The following SLC25A30 variants were observed in gnomAD, a reference collection of about 807,000 sequenced individuals.
SLC25A30 encodes the protein solute carrier family 25 member 30, also known as kidney mitochondrial carrier protein 1.
SLC25A30 carries 29 observed loss-of-function variants against 42.7 expected under a neutral mutation model. That is an observed-to-expected ratio of 0.68 (90% confidence interval 0.51 to 0.93). The LOEUF (loss-of-function observed/expected upper bound fraction) is 0.93. Ranked by LOEUF, SLC25A30 falls within the 40% of genes least tolerant of loss-of-function variation. The probability of loss-of-function intolerance (pLI) is 0.00; values close to 1 mark genes in which losing one functional copy is unlikely to be tolerated. For synonymous variants in SLC25A30, 124 were observed against 131.0 expected, an observed-to-expected ratio of 0.95 and a Z score of 0.37; for missense variants, 300 against 359.7, an observed-to-expected ratio of 0.83 and a Z score of 1.34.
intron 9 of SLC25A30, 56 bp from the exon 10 acceptor site, chr13:45,396,071 A>G (rs916955053): frequency 1.2e-6 from 2 of 1,614,148 alleles, no homozygotes; most frequent in East Asian, 2.2e-5. Flanking sequence ...ACTCCAGTGC[A>G]TAACAACAGA....
intron 1 of SLC25A30, among the ~76,000 whole-genome samples, chr13:45,416,817 G>A (rs1883578039): frequency 1.3e-5 from 2 of 152,080 alleles, no homozygotes; most frequent in South Asian, 2.1e-4. Context: ...GAATGAAATT[G>A]TCTATACAAA....
chr13:45,403,608 A>T (rs1317734487), intron 5 of SLC25A30, among the ~76,000 whole-genome samples: 1 of 152,118 alleles, frequency 6.6e-6, no homozygotes. Context: ...TAGTAATTAA[A>T]TTTTTTCATC....
intron 9 of SLC25A30, chr13:45,396,964 CCTCT>C: frequency 9.4e-6 from 3 of 319,758 alleles, no homozygotes; most frequent in East Asian, 7.8e-5. Context: ...AGCCAATCCT[CCTCT>C]CTCTCTCTCT....
At chr13:45,412,085 T>C (rs1467722504) in intron 1 of SLC25A30, 1 of 151,982 alleles carries the variant, frequency 6.6e-6, no homozygotes, top group Non-Finnish European at 1.5e-5. Flanking sequence ...TGTCATAAGG[T>C]AAAATGACAA....
chr13:45,425,512 AT>A, the SLC25A30 span, among the ~76,000 whole-genome samples: 13 of 111,820 alleles, frequency 1.2e-4, 1 homozygote, highest in South Asian at 2.4e-4. Context: ...AGAAATATAT[AT>A]AAGCATATAT....
the SLC25A30 span, among the ~76,000 whole-genome samples, chr13:45,424,665 A>G: frequency 1.5e-5 from 1 of 67,936 alleles, no homozygotes; most frequent in Admixed American, 2.5e-4. Context: ...AAATATATAG[A>G]AATATATATA....
chr13:45,420,045 G>T (rs1427084542), upstream of SLC25A30, among the ~76,000 whole-genome samples: 2 of 151,802 alleles, frequency 1.3e-5, no homozygotes, highest in East Asian at 3.9e-4. Context: ...AAGGGAGGAA[G>T]GAAAATGCAT....
At chr13:45,425,332 A>T in the SLC25A30 span, among the ~76,000 whole-genome samples, 2 of 109,118 alleles carry the variant, frequency 1.8e-5, no homozygotes, top group African/African-American at 7.4e-5. Flanking sequence ...ATGTAACTAT[A>T]TATAAGTATA....
chr13:45,411,453 A>G lies in SLC25A30; in HGVS notation c.-28T>C, dbSNP rs1235441333. The G allele has an allele frequency of 1.2e-6, 2 of 1,613,182 alleles. No homozygotes were observed. Among genetic ancestry groups the G allele is most frequent in the Non-Finnish European group, 1.7e-6 (2 of 1,179,292 alleles). On this transcript the variant is annotated 5_prime_UTR_variant, in exon 2 of 10. Transcript: ENST00000519676. The stretch of plus-strand genomic sequence containing the variant: ...TCACACTGTCTCTTCTTTGATTTAT[A>G]GAAACATTGCCTCCAGTGCTGTTTT...
rs117200498 is a variant in SLC25A30 at position 45,410,691 on chromosome 13, A to T, written c.64+671T>A. Among the ~76,000 whole-genome samples the T allele has an allele frequency of 2.6e-5, 4 of 152,268 alleles. No homozygotes were observed. The East Asian group carries it at 7.7e-4, about 29-fold the overall frequency. The stretch of plus-strand genomic sequence containing the variant: ...GCCGGGCATGGTGGTGCACATCTGT[A>T]GTCTCACCTACTTGGGAGACCCGGG... On this transcript the variant is annotated intron_variant, in intron 2 of 9. Coordinates refer to ENST00000519676, the MANE Select transcript of SLC25A30 (RefSeq NM_001010875.4).
At chr13:45,420,098 G>GA (rs1203279281), upstream of SLC25A30, 3 of 152,216 alleles carry the variant, frequency 2.0e-5, no homozygotes, top group African/African-American at 7.2e-5. Flanking sequence ...GCTACTCCAG[G>GA]AATCTTTACA....
the SLC25A30 span, among the ~76,000 whole-genome samples, chr13:45,424,676 G>A: frequency 1.5e-3 from 63 of 40,958 alleles, 1 homozygote; most frequent in African/African-American, 3.9e-3. Context: ...AATATATATA[G>A]TTATATATAG....
In SLC25A30 at chr13:45,396,001, G is replaced by C. The variant is rs764884738; in HGVS notation, c.849C>G (p.Tyr283Ter). The change falls in exon 10 of 10, where the codon TAC becomes TAG. Residue 283 changes from tyrosine (Y) to a stop codon, truncating the protein, a stop_gained. Coordinates refer to ENST00000519676, the MANE Select transcript of SLC25A30 (RefSeq NM_001010875.4). LOFTEE classifies it high-confidence loss of function. The part of the protein sequence containing the change: ...GPWNIIFFVT[Y>*]EQLKKLDL Reference sequence around the variant, plus strand: ...ACAAATCCAATTTCTTCAACTGCTCGTATGTCACAAAGAACTGTGGTTATG... The same window carrying C: ...ACAAATCCAATTTCTTCAACTGCTCCTATGTCACAAAGAACTGTGGTTATG... 4.3e-6 allele frequency: 7 copies of C among 1,614,036 alleles called. No individual in the cohort carries two copies. The Admixed American group carries it at 8.3e-5, about 19-fold the overall frequency.
chr13:45,399,190 GT>G (rs1881681304), intron 7 of SLC25A30, 112 bp from the exon 8 acceptor site: 24 of 1,165,624 alleles, frequency 2.1e-5, no homozygotes, highest in Non-Finnish European at 2.1e-5. Context: ...CTTGTTTGTG[GT>G]TTTCGTGTTT....
intron 8 of SLC25A30, 139 bp from the exon 9 acceptor site, chr13:45,397,477 G>A: frequency 3.3e-6 from 2 of 598,834 alleles, no homozygotes; most frequent in Non-Finnish European, 2.9e-6. Context: ...TGGATCACCA[G>A]GTCAGGAGAT....
chr13:45,429,123 C>G, the SLC25A30 span, among the ~76,000 whole-genome samples: 1 of 124,952 alleles, frequency 8.0e-6, no homozygotes, highest in African/African-American at 3.2e-5. Flanking sequence ...GTCTGGAGTG[C>G]AATGGCGCAG....
chr13:45,404,607 T>C (rs1027026434), intron 4 of SLC25A30, among the ~76,000 whole-genome samples, 195 bp from the exon 5 acceptor site: 2 of 152,136 alleles, frequency 1.3e-5, no homozygotes, highest in African/African-American at 4.8e-5. Flanking sequence ...TCACTTGAGG[T>C]CAGGAGTTTG....
At chr13:45,426,294 C>T in the SLC25A30 span, among the ~76,000 whole-genome samples, 1 of 151,724 alleles carries the variant, frequency 6.6e-6, no homozygotes, top group East Asian at 2.0e-4. Context: ...ACCATGTTGG[C>T]TAGGATGGTC....
At chr13:45,427,783 C>T in the SLC25A30 span, among the ~76,000 whole-genome samples, 7 of 123,478 alleles carry the variant, frequency 5.7e-5, no homozygotes, top group Non-Finnish European at 1.1e-4. Flanking sequence ...CTCATTCTGT[C>T]GCCCAGGCGG....
Sources: allele counts gnomAD v4.1 joint callset (sites outside exome capture counted in the v4.1 genomes callset), GRCh38; gene constraint gnomAD v4.1.1; transcripts MANE v1.5; gene names NCBI Gene and HGNC (gene_info 2026-07-23, HGNC 2026-07-21).